Variants in ROPN1L observed in about 807,000 individuals in gnomAD.
ROPN1L encodes ropporin-1-like protein.
In ROPN1L, 23 loss-of-function variants were observed where a neutral mutation model predicts 22.7. That is an observed-to-expected ratio of 1.01 (90% confidence interval 0.73 to 1.43). The LOEUF (loss-of-function observed/expected upper bound fraction) is 1.43. Ranked by LOEUF, ROPN1L falls within the 40% of genes most tolerant of loss-of-function variation. The pLI is 0.00. For synonymous variants in ROPN1L, 116 were observed against 117.8 expected (o/e 0.98, Z 0.10); for missense variants, 271 against 291.5 (o/e 0.93, Z 0.51).
In ROPN1L at chr5:10,461,242, G is replaced by A. The variant is rs760619690; in HGVS notation, c.476G>A (p.Gly159Glu). The A allele has an allele frequency of 6.2e-7, 1 of 1,614,138 alleles. No individual in the cohort carries two copies. Among genetic ancestry groups the A allele is most frequent in the Admixed American group, 1.7e-5 (1 of 60,018 alleles). The change falls in exon 4 of 5, where the codon GGG becomes GAG. Residue 159 changes from glycine (G) to glutamate (E), a missense_variant. Physicochemically the swap from Gly to Glu is moderately conservative, Grantham distance 98 (BLOSUM62 -2). Coordinates refer to ENST00000274134, the MANE Select transcript of ROPN1L (RefSeq NM_031916.5). ...ATCCTCACGGACGATCCGGAGGGCG[G>A]GCCCGCTCGCATCCCCTTCAAGACG... ...CEILTDDPEG[G>E]PARIPFKTFS...
At chr5:10,460,907 T>C (rs1735010937) in intron 3 of ROPN1L, among the ~76,000 whole-genome samples, 3 of 152,266 alleles carry the variant, frequency 2.0e-5, no homozygotes, top group Non-Finnish European at 2.9e-5. Context: ...ACATTGATGC[T>C]TCCTTTTGTC....
downstream of ROPN1L, among the ~76,000 whole-genome samples, chr5:10,472,886 C>CGTTG (rs1735270755): frequency 6.6e-6 from 1 of 152,200 alleles, no homozygotes; most frequent in Non-Finnish European, 1.5e-5. Flanking sequence ...CACAGTGGTC[C>CGTTG]TGCTTGCCCT....
In ROPN1L at chr5:10,442,137, T is replaced by C; in HGVS notation, c.-31T>C. 6.3e-7 allele frequency: 1 copy of C among 1,589,352 alleles called. No individual in the cohort carries two copies. Among genetic ancestry groups the C allele is most frequent in the Non-Finnish European group, 8.6e-7 (1 of 1,161,120 alleles). ...CCTTCTTCCTCGCAGCGCGCCGCGA[T>C]TCACCAGCCTGGTCCCTTCTGCGGA... On this transcript the variant is annotated 5_prime_UTR_variant, in exon 1 of 5. Transcript: ENST00000274134.
Position 10,450,133 on chromosome 5 carries a change from A to C in ROPN1L, c.417+20A>C. On this transcript the variant is annotated intron_variant, in intron 3 of 4. Coordinates refer to ENST00000274134, the MANE Select transcript of ROPN1L (RefSeq NM_031916.5). The stretch of plus-strand genomic sequence containing the variant: ...GGTGGGGTATGTACCTATAAACAGC[A>C]TATTAATAATTCTGTGTCATCATGG... The C allele has an allele frequency of 6.5e-7, 1 of 1,544,080 alleles. No homozygotes were observed. The highest frequency in any genetic ancestry group is 8.7e-7 in the Non-Finnish European group (1 of 1,144,776).
chr5:10,467,723 G>A (rs138239631), downstream of ROPN1L, among the ~76,000 whole-genome samples: 418 of 152,336 alleles, frequency 2.7e-3, no homozygotes, highest in Non-Finnish European at 4.6e-3. Flanking sequence ...GCAGCTTCCT[G>A]CATGACTCAG....
At chr5:10,450,733 A>G (rs1042461508) in intron 3 of ROPN1L, among the ~76,000 whole-genome samples, 1 of 152,106 alleles carries the variant, frequency 6.6e-6, no homozygotes, top group African/African-American at 2.4e-5. Context: ...CGAACTCCTG[A>G]CCTCAGGTGA....
chr5:10,445,000 A>T (rs1741009873), intron 1 of ROPN1L, among the ~76,000 whole-genome samples: 1 of 152,092 alleles, frequency 6.6e-6, no homozygotes, highest in African/African-American at 2.4e-5. Flanking sequence ...TTTTAGATAG[A>T]GTCTTTTTCT....
chr5:10,445,733 C>A (rs1159935495), intron 1 of ROPN1L, among the ~76,000 whole-genome samples: 1 of 152,112 alleles, frequency 6.6e-6, no homozygotes, highest in Non-Finnish European at 1.5e-5. Flanking sequence ...CGAGACCAGC[C>A]TGCACAACGT....
At chr5:10,451,957 A>ATCTATCTATCTG (rs1468882728) in intron 3 of ROPN1L, among the ~76,000 whole-genome samples, 1 of 151,844 alleles carries the variant, frequency 6.6e-6, no homozygotes, top group East Asian at 1.9e-4. Flanking sequence ...CTATCTGTCT[A>ATCTATCTATCTG]TCTATCTAAT....
At chr5:10,444,883 A>G (rs1741005438) in intron 1 of ROPN1L, among the ~76,000 whole-genome samples, 1 of 152,032 alleles carries the variant, frequency 6.6e-6, no homozygotes, top group Admixed American at 6.5e-5. Context: ...TGGATGATAG[A>G]GCAAGACTCC....
At position 10,457,805 on chromosome 5, in the gene ROPN1L, C is replaced by T. The variant is rs1042969923; in HGVS notation, c.418-3379C>T. Among the ~76,000 whole-genome samples, 4 of 152,256 alleles carry T rather than the reference C, an allele frequency of 2.6e-5. No individual in the cohort carries two copies. In the South Asian group the frequency reaches 8.3e-4, roughly 32 times the overall value. On this transcript the variant is annotated intron_variant, in intron 3 of 4. Transcript: ENST00000274134. Reference sequence around the variant, plus strand: ...GCCCTTTCCCTGCATCTGCAGCTCCCCCGTGAGGATGGTGCTCCACCCTGG... The same window carrying T: ...GCCCTTTCCCTGCATCTGCAGCTCCTCCGTGAGGATGGTGCTCCACCCTGG...
At chr5:10,465,582 G>T (rs890034539), downstream of ROPN1L, among the ~76,000 whole-genome samples, 49 of 152,120 alleles carry the variant, frequency 3.2e-4, no homozygotes, top group Non-Finnish European at 1.3e-4. Context: ...AGGCGCAGTG[G>T]CTCACACCTG....
downstream of ROPN1L, among the ~76,000 whole-genome samples, chr5:10,475,194 T>G (rs1331095308): frequency 6.6e-6 from 1 of 152,174 alleles, no homozygotes; most frequent in East Asian, 1.9e-4. Flanking sequence ...CCACAGCCAC[T>G]TCTCTGCAGT....
At chr5:10,451,540 A>T (rs1210053158) in intron 3 of ROPN1L, among the ~76,000 whole-genome samples, 1 of 152,244 alleles carries the variant, frequency 6.6e-6, no homozygotes, top group Admixed American at 6.5e-5. Flanking sequence ...AAATTATATG[A>T]CTAGATGTAT....
the ROPN1L span, among the ~76,000 whole-genome samples, chr5:10,480,651 TC>T: frequency 3.3e-5 from 5 of 151,906 alleles, no homozygotes; most frequent in Middle Eastern, 3.4e-3. Flanking sequence ...GAGTGGCTCC[TC>T]CGAGTGTGGT....
At chr5:10,447,250 G>T (rs1163099412) in intron 1 of ROPN1L, among the ~76,000 whole-genome samples, 2 of 152,192 alleles carry the variant, frequency 1.3e-5, no homozygotes, top group East Asian at 3.8e-4. Flanking sequence ...AAGATACCAA[G>T]GGGCGTGAGT....
chr5:10,449,107 A>G (rs7720556), intron 2 of ROPN1L, among the ~76,000 whole-genome samples: 108,171 of 152,248 alleles, frequency 0.71, 41,916 homozygotes, highest in Non-Finnish European at 0.88. Flanking sequence ...TAAGGGAAGC[A>G]AAGAACTCTT....
chr5:10,442,063 G>T lies in ROPN1L; in HGVS notation c.-105G>T. ...AACGGGATGGGAGGCGGCCCTGGCC[G>T]CAAGCCCCGCGCTGCTAGCGGGTCC... On this transcript the variant is annotated 5_prime_UTR_variant, in exon 1 of 5. Transcript: ENST00000274134. 6.7e-7 allele frequency: 1 copy of T among 1,491,930 alleles called. No homozygotes were observed. Among genetic ancestry groups the T allele is most frequent in the South Asian group, 1.3e-5 (1 of 79,182 alleles). 92.4% of individuals were successfully genotyped at this position (1,491,930 alleles called of 1,614,324 possible).
intron 1 of ROPN1L, among the ~76,000 whole-genome samples, chr5:10,444,771 C>G (rs1232316562): frequency 6.6e-6 from 1 of 151,082 alleles, no homozygotes; most frequent in African/African-American, 2.4e-5. Flanking sequence ...TGGTGGCACG[C>G]ATCTGTAGTC....
Sources: allele counts gnomAD v4.1 joint callset (sites outside exome capture counted in the v4.1 genomes callset), GRCh38; gene constraint gnomAD v4.1.1; transcripts MANE v1.5; gene names NCBI Gene and HGNC (gene_info 2026-07-23, HGNC 2026-07-21).